The following BRCA2 variants were observed in gnomAD, a reference collection of about 807,000 sequenced individuals.
BRCA2 encodes BRCA2 DNA repair associated, also known as breast cancer type 2 susceptibility protein.
A neutral mutation model predicts 276.7 loss-of-function variants in BRCA2; 203 were observed. The ratio of observed to expected loss-of-function variants is 0.73; its 90% CI spans 0.65 to 0.82. The LOEUF (loss-of-function observed/expected upper bound fraction) is 0.82. Ranked by LOEUF, BRCA2 falls within the 40% of genes least tolerant of loss-of-function variation. The probability of loss-of-function intolerance (pLI) is 0.00; values close to 1 mark genes in which losing one functional copy is unlikely to be tolerated. For synonymous variants in BRCA2, 1,289 were observed against 1,338.4 expected (o/e 0.96, Z 0.81); for missense variants, 3,920 against 3,915.0 (o/e 1.00, Z -0.03).
intron 26 of BRCA2, among the ~76,000 whole-genome samples, chr13:32,397,867 TAAAA>T (rs1336067632): frequency 2.0e-5 from 3 of 152,312 alleles, no homozygotes; most frequent in Admixed American, 1.3e-4. Flanking sequence ...CTGTTAATAA[TAAAA>T]AACAAAAGAT....
In BRCA2 at chr13:32,338,529, G is replaced by A. The variant is rs80358661; in HGVS notation, c.4174G>A (p.Val1392Ile). 2 of 1,603,670 alleles carry A rather than the reference G, an allele frequency of 1.2e-6. No homozygotes were observed. Among genetic ancestry groups the A allele is most frequent in the Non-Finnish European group, 1.7e-6 (2 of 1,177,002 alleles). The change falls in exon 11 of 27, where the codon GTT becomes ATT. Residue 1392 changes from valine to isoleucine, a missense_variant. Around this residue, in one of 2 missense-constraint regions of BRCA2, gnomAD observed 3,263 missense variants for 3,156.9 expected, o/e 1.03. Transcript: ENST00000380152. Reference protein sequence around the residue: ...EDLSDLTFLEVAKAQEACHGN... With the variant: ...EDLSDLTFLEIAKAQEACHGN... ...TTTGTCAGATTTAACTTTTTTGGAA[G>A]TTGCGAAAGCTCAAGAAGCATGTCA...
chr13:32,338,578 A>G lies in BRCA2; in HGVS notation c.4223A>G (p.Gln1408Arg), dbSNP rs762778002. ...ACHGNTSNKE[Q>R]LTATKTEQNI... ...CATGGTAATACTTCAAATAAAGAAC[A>G]GTTAACTGCTACTAAAACGGAGCAA... is the stretch of plus-strand genomic sequence containing the variant. Residue 1408 changes from glutamine (Q) to arginine (R), a missense_variant, in exon 11 of 27, where the codon CAG (glutamine) becomes CGG (arginine). Transcript: ENST00000380152. 4 of 1,596,656 alleles carry G rather than the reference A, an allele frequency of 2.5e-6. No individual in the cohort carries two copies. The South Asian group carries it at 3.4e-5, about 14-fold the overall frequency.
chr13:32,353,311 T>A (rs2072664671), intron 13 of BRCA2, among the ~76,000 whole-genome samples: 1 of 152,174 alleles, frequency 6.6e-6, no homozygotes, highest in South Asian at 2.1e-4. Flanking sequence ...GTCTAGTCAG[T>A]CCTTTCAGTA....
At chr13:32,328,792 C>A (rs570730685) in intron 7 of BRCA2, among the ~76,000 whole-genome samples, 1 of 152,022 alleles carries the variant, frequency 6.6e-6, no homozygotes, top group Non-Finnish European at 1.5e-5. Flanking sequence ...GTATTTTATC[C>A]AGAAGTCCTA....
In BRCA2 at chr13:32,340,202, T is replaced by C. The variant is rs1179639240; in HGVS notation, c.5847T>C (p.Asp1949=). The change falls in exon 11 of 27, where the codon GAT becomes GAC. Residue 1949 remains aspartate, a synonymous_variant. Transcript: ENST00000380152. ...LEKVSKISPC[D]VSLETSDICK... Reference sequence around the variant, plus strand: ...AAGTTTCTAAAATATCACCTTGTGATGTTAGTTTGGAAACTTCAGATATAT... The same window carrying C: ...AAGTTTCTAAAATATCACCTTGTGACGTTAGTTTGGAAACTTCAGATATAT... The C allele has an allele frequency of 6.2e-7, 1 of 1,613,880 alleles. No homozygotes were observed. Among genetic ancestry groups the C allele is most frequent in the Non-Finnish European group, 8.5e-7 (1 of 1,179,806 alleles).
chr13:32,338,496 A>G lies in BRCA2; in HGVS notation c.4141A>G (p.Lys1381Glu). The change falls in exon 11 of 27, where the codon AAA becomes GAA. Residue 1381 changes from lysine to glutamate, a missense_variant. Lys to Glu is a moderately conservative substitution (Grantham distance 56, BLOSUM62 1). This residue lies in a region of BRCA2 where 3,263 missense variants were observed against 3,156.9 expected (regional missense o/e 1.03). Transcript: ENST00000380152. ...QFMKEGNTQI[K>E]EDLSDLTFLE... is the part of the protein sequence containing the mutation. ...TATGAAGGAGGGAAACACTCAGATTAAAGAAGATTTGTCAGATTTAACTTT... is the reference window on the plus strand; with the variant it reads ...TATGAAGGAGGGAAACACTCAGATTGAAGAAGATTTGTCAGATTTAACTTT... 6.2e-7 allele frequency: 1 copy of G among 1,609,254 alleles called. No individual in the cohort carries two copies. The highest frequency in any genetic ancestry group is 8.5e-7 in the Non-Finnish European group (1 of 1,178,644).
At chr13:32,349,825 A>AC (rs1177781545) in intron 13 of BRCA2, among the ~76,000 whole-genome samples, 1 of 151,426 alleles carries the variant, frequency 6.6e-6, no homozygotes, top group East Asian at 1.9e-4. Context: ...AAAAAAAAAA[A>AC]AAAAAAAGCA....
intron 20 of BRCA2, among the ~76,000 whole-genome samples, chr13:32,375,722 G>A (rs1372308542): frequency 3.3e-5 from 5 of 152,078 alleles, no homozygotes; most frequent in South Asian, 2.1e-4. Context: ...CACCACGCCC[G>A]GCTAATTTTG....
At chr13:32,350,759 A>T (rs991186949) in intron 13 of BRCA2, among the ~76,000 whole-genome samples, 2 of 152,164 alleles carry the variant, frequency 1.3e-5, no homozygotes, top group African/African-American at 4.8e-5. Context: ...TCTCAAAAAA[A>T]AAACAACAAA....
intron 13 of BRCA2, among the ~76,000 whole-genome samples, chr13:32,347,908 A>T (rs566563933): frequency 1.3e-5 from 2 of 152,348 alleles, no homozygotes; most frequent in Admixed American, 6.5e-5. Context: ...AAGAAAAGAT[A>T]GTCAAAGATA....
intron 3 of BRCA2, among the ~76,000 whole-genome samples, chr13:32,324,019 C>CT (rs1350519618): frequency 4.6e-5 from 7 of 152,226 alleles, no homozygotes; most frequent in African/African-American, 1.4e-4. Flanking sequence ...CTGCAACTCA[C>CT]TTTGTCTAAT....
intron 14 of BRCA2, 162 bp downstream of exon 14, chr13:32,355,450 A>G: frequency 2.7e-6 from 1 of 369,492 alleles, no homozygotes; most frequent in Non-Finnish European, 3.7e-6. Context: ...AAATTATTCT[A>G]ATGTTTCTTT....
At chr13:32,363,819 G>A (rs2072763179) in intron 18 of BRCA2, among the ~76,000 whole-genome samples, 1 of 152,142 alleles carries the variant, frequency 6.6e-6, no homozygotes, top group Non-Finnish European at 1.5e-5. Context: ...TGTTCTCATA[G>A]CTTTGCTTTG....
intron 11 of BRCA2, 32 bp downstream of exon 11, chr13:32,341,228 A>C (rs764973892): frequency 6.2e-7 from 1 of 1,613,364 alleles, no homozygotes; most frequent in Non-Finnish European, 8.5e-7. Context: ...TCGTGTTGCC[A>C]ATCACTATTT....
At chr13:32,365,146 G>A (rs1263418628) in intron 18 of BRCA2, among the ~76,000 whole-genome samples, 5 of 73,154 alleles carry the variant, frequency 6.8e-5, no homozygotes, top group Admixed American at 2.3e-4. Flanking sequence ...TTGAGACAAC[G>A]TCTCACTGTG....
At chr13:32,394,666 C>A (rs993467520) in intron 24 of BRCA2, 23 bp from the exon 25 acceptor site, 4 of 1,606,988 alleles carry the variant, frequency 2.5e-6, no homozygotes, top group African/African-American at 1.3e-5. Context: ...TAATAACATT[C>A]TTTTCTTTTT....
At chr13:32,329,192 A>G (rs1283039298) in intron 7 of BRCA2, among the ~76,000 whole-genome samples, 1 of 152,228 alleles carries the variant, frequency 6.6e-6, no homozygotes, top group Non-Finnish European at 1.5e-5. Context: ...CATTGTGGAC[A>G]GTATTACCAT....
rs587782091 is a variant in BRCA2, at chr13:32,380,095, G to T, written c.9206G>T (p.Cys3069Phe). 10 of 1,614,040 alleles carry T rather than the reference G, an allele frequency of 6.2e-6. No individual in the cohort carries two copies. The highest frequency in any genetic ancestry group is 8.5e-6 in the Non-Finnish European group (10 of 1,179,962). Residue 3069 changes from cysteine to phenylalanine, a missense_variant, in exon 24 of 27, where the codon TGT (cysteine) becomes TTT (phenylalanine). Physicochemically the swap from Cys to Phe is radical, Grantham distance 205. Around this residue, in one of 2 missense-constraint regions of BRCA2, gnomAD observed 657 missense variants for 758.2 expected, o/e 0.87. Transcript: ENST00000380152. The part of the protein sequence containing the change: ...KFLDPDFQPS[C>F]SEVDLIGFVV... The stretch of plus-strand genomic sequence containing the variant: ...TTAGATCCAGACTTTCAGCCATCTT[G>T]TTCTGAGGTGGACCTAATAGGATTT...
At chr13:32,365,983 A>C (rs1356434253) in intron 18 of BRCA2, among the ~76,000 whole-genome samples, 1 of 149,292 alleles carries the variant, frequency 6.7e-6, no homozygotes, top group Non-Finnish European at 1.5e-5. Context: ...TTTTATTCTA[A>C]CTTCTGGGAT....
Sources: gnomAD v4.1 joint callset for allele counts (sites outside exome capture counted in the v4.1 genomes callset) on GRCh38, gnomAD v4.1.1 for gene constraint, gnomAD v4.1.1 regional missense constraint, MANE v1.5 for transcripts, NCBI Gene and HGNC (gene_info 2026-07-23, HGNC 2026-07-21) for gene names.